The following PYGO1 variants were observed in gnomAD, a reference collection of about 807,000 sequenced individuals.
PYGO1 encodes the protein pygopus family PHD finger 1, also known as pygopus homolog 1.
A neutral mutation model predicts 29.5 loss-of-function variants in PYGO1; 6 were observed. That is an observed-to-expected ratio of 0.20 (90% CI 0.11 to 0.40). The LOEUF is 0.40. Ranked by LOEUF, PYGO1 falls within the 10% of genes least tolerant of loss-of-function variation. PYGO1 has a pLI of 1.00. For missense variants in PYGO1, 515 were observed against 514.9 expected, an observed-to-expected ratio of 1.00 and a Z score of 0.00; for synonymous variants, 186 against 180.5, an observed-to-expected ratio of 1.03 and a Z score of -0.24.
chr15:55,578,606 T>C (rs1279021153), intron 1 of PYGO1, among the ~76,000 whole-genome samples: 2 of 152,252 alleles, frequency 1.3e-5, no homozygotes, highest in Non-Finnish European at 2.9e-5. Context: ...TAATGACTAA[T>C]GATGCCAAGC....
At position 55,544,013 on chromosome 15, in the gene PYGO1, T is replaced by C. The variant is rs1466990163; in HGVS notation, c.*2010A>G. On this transcript the variant is annotated 3_prime_UTR_variant, in exon 3 of 3. Transcript: ENST00000563719. ...CTGCATTTTAACCTGCTTCAACTGG[T>C]AAAGTTTTCACACAAAGGAGTACCT... The C allele has an allele frequency of 6.6e-6, 1 of 152,190 alleles. No individual in the cohort carries two copies. Among genetic ancestry groups the C allele is most frequent in the Non-Finnish European group, 1.5e-5 (1 of 68,020 alleles). The allele number at this position is 152,190 out of a possible 1,614,324, so 9.4% of individuals were successfully genotyped here.
chr15:55,574,327 T>C (rs1318102507), intron 1 of PYGO1, among the ~76,000 whole-genome samples: 1 of 152,230 alleles, frequency 6.6e-6, no homozygotes, highest in Non-Finnish European at 1.5e-5. Context: ...GCACAGTTAA[T>C]TTTATGCAGT....
chr15:55,588,580 C>G (rs969427049), upstream of PYGO1, among the ~76,000 whole-genome samples: 15 of 140,174 alleles, frequency 1.1e-4, no homozygotes, highest in Non-Finnish European at 2.2e-4. Flanking sequence ...CCGGGGCTCG[C>G]GGGCCCGCGG....
chr15:55,570,840 A>G (rs188335972), intron 1 of PYGO1, among the ~76,000 whole-genome samples: 4 of 152,198 alleles, frequency 2.6e-5, no homozygotes, highest in African/African-American at 9.6e-5. Flanking sequence ...TTTTTTCCTA[A>G]TATTTTTATG....
Position 55,587,966 on chromosome 15 carries a change from G to A in PYGO1, c.-83C>T. On this transcript the variant is annotated 5_prime_UTR_variant, in exon 1 of 3. Transcript: ENST00000563719. ...TGCGGCGGCGGCTCCTCCTCCTCGC[G>A]GGGCCGCTGCGGCTGCGAGGCAAGC... is the stretch of plus-strand genomic sequence containing the variant. 7.0e-7 allele frequency: 1 copy of A among 1,428,162 alleles called. No individual in the cohort carries two copies. Among genetic ancestry groups the A allele is most frequent in the Non-Finnish European group, 9.2e-7 (1 of 1,085,340 alleles). 88.5% of individuals were successfully genotyped at this position (1,428,162 alleles called of 1,614,324 possible). A position where few individuals can be genotyped will look rare whatever the true frequency, so the allele number is the denominator to read the frequency against.
chr15:55,571,514 T>C (rs1052570025), intron 1 of PYGO1, among the ~76,000 whole-genome samples: 2 of 152,136 alleles, frequency 1.3e-5, no homozygotes, highest in Non-Finnish European at 2.9e-5. Flanking sequence ...GTCTTTCCTA[T>C]GCTGGTTTTA....
At chr15:55,588,947 T>A, upstream of PYGO1, 3 of 1,165,222 alleles carry the variant, frequency 2.6e-6, no homozygotes, top group Non-Finnish European at 3.8e-6. Flanking sequence ...ACGACTTGAC[T>A]CTTCAAGAAA....
intron 1 of PYGO1, among the ~76,000 whole-genome samples, chr15:55,560,837 C>T (rs1438754205): frequency 4.6e-5 from 7 of 152,102 alleles, no homozygotes; most frequent in Non-Finnish European, 2.9e-5. Flanking sequence ...TGGTACACAC[C>T]TGCAGTCTCA....
At chr15:55,562,035 A>T (rs2058934937) in intron 1 of PYGO1, among the ~76,000 whole-genome samples, 1 of 152,204 alleles carries the variant, frequency 6.6e-6, no homozygotes. Context: ...GGCAAAGGAC[A>T]TGAACAGACA....
chr15:55,554,212 C>A (rs2058892812), intron 1 of PYGO1, among the ~76,000 whole-genome samples: 1 of 151,988 alleles, frequency 6.6e-6, no homozygotes, highest in Non-Finnish European at 1.5e-5. Flanking sequence ...TGCCTGTAAT[C>A]CCAGCACTTT....
At chr15:55,576,154 C>G (rs924142178) in intron 1 of PYGO1, among the ~76,000 whole-genome samples, 3 of 152,126 alleles carry the variant, frequency 2.0e-5, no homozygotes, top group Non-Finnish European at 4.4e-5. Context: ...GCTGTTAAAG[C>G]TTGTTAATTT....
rs186452674 is a variant in PYGO1 at position 55,580,764 on chromosome 15, C to A, written c.49+7071G>T. On this transcript the variant is annotated intron_variant, in intron 1 of 2. Coordinates refer to ENST00000563719, the MANE Select transcript of PYGO1 (RefSeq NM_001367806.1). Reference sequence around the variant, plus strand: ...AGGGATAAAAAAGCAGATCTGAAATCATTCTTGACCATACTTTAAGGCTAA... The same window carrying A: ...AGGGATAAAAAAGCAGATCTGAAATAATTCTTGACCATACTTTAAGGCTAA... Among the ~76,000 whole-genome samples, 7 of 152,302 alleles carry A rather than the reference C, an allele frequency of 4.6e-5. No homozygotes were observed. The East Asian group carries it at 1.4e-3, about 29-fold the overall frequency.
At chr15:55,558,146 C>A (rs1194687121) in intron 1 of PYGO1, among the ~76,000 whole-genome samples, 1 of 152,198 alleles carries the variant, frequency 6.6e-6, no homozygotes, top group African/African-American at 2.4e-5. Context: ...GCAACTTCAG[C>A]AAAGTCTCAG....
chr15:55,569,982 T>C (rs957651453), intron 1 of PYGO1, among the ~76,000 whole-genome samples: 1 of 152,212 alleles, frequency 6.6e-6, no homozygotes, highest in African/African-American at 2.4e-5. Context: ...TCCCAGTGTC[T>C]TTCCCTCACA....
In PYGO1 at chr15:55,540,123, GCCTT is replaced by G. The variant is rs1471476074; in HGVS notation, c.*5896_*5899del. 6.6e-6 allele frequency: 1 copy of G among 151,938 alleles called. No homozygotes were observed. The highest frequency in any genetic ancestry group is 6.6e-5 in the Admixed American group (1 of 15,266). 9.4% of individuals were successfully genotyped at this position (151,938 alleles called of 1,614,324 possible). ...CTCTAAATAAAAAGCTTAAAAATTTGCCTTCAAGATGAAACATTTTTCTTTAAAA... is the reference window on the plus strand; with the variant it reads ...CTCTAAATAAAAAGCTTAAAAATTTGCAAGATGAAACATTTTTCTTTAAAA... On this transcript the variant is annotated 3_prime_UTR_variant, in exon 3 of 3. Coordinates refer to ENST00000563719, the MANE Select transcript of PYGO1 (RefSeq NM_001367806.1).
At chr15:55,568,518 T>C (rs888365840) in intron 1 of PYGO1, among the ~76,000 whole-genome samples, 11 of 152,128 alleles carry the variant, frequency 7.2e-5, no homozygotes, top group African/African-American at 2.7e-4. Context: ...CCTTAGGGTG[T>C]TGTAAGTATA....
chr15:55,587,375 T>TG (rs1278066536), intron 1 of PYGO1, among the ~76,000 whole-genome samples: 1 of 119,944 alleles, frequency 8.3e-6, no homozygotes, highest in Non-Finnish European at 1.7e-5. Context: ...TTTGCCGGGG[T>TG]GGGGGGGCGA....
intron 1 of PYGO1, among the ~76,000 whole-genome samples, chr15:55,572,876 A>T (rs952177319): frequency 5.9e-5 from 9 of 151,994 alleles, no homozygotes; most frequent in Admixed American, 1.3e-4. Context: ...AAAGACAAAA[A>T]AAATAAATAA....
chr15:55,563,586 G>A (rs781502583), intron 1 of PYGO1, among the ~76,000 whole-genome samples: 36 of 152,022 alleles, frequency 2.4e-4, no homozygotes, highest in Non-Finnish European at 5.1e-4. Context: ...TCCTGACCTC[G>A]TGATCCGCCT....
Sources: allele counts gnomAD v4.1 joint callset (sites outside exome capture counted in the v4.1 genomes callset), GRCh38; gene constraint gnomAD v4.1.1; transcripts MANE v1.5; gene names NCBI Gene and HGNC (gene_info 2026-07-23, HGNC 2026-07-21).